PDE3A: variants seen among roughly 807,000 people sequenced by gnomAD.
PDE3A encodes cGMP-inhibited 3',5'-cyclic phosphodiesterase 3A.
In PDE3A, 43 loss-of-function variants were observed where a neutral mutation model predicts 98.3. That is an observed-to-expected ratio of 0.44 (90% CI 0.34 to 0.56). PDE3A has a LOEUF of 0.56. Ranked by LOEUF, PDE3A falls within the 20% of genes least tolerant of loss-of-function variation. PDE3A has a pLI of 0.01. For synonymous variants in PDE3A, 663 were observed against 567.9 expected (o/e 1.17, Z -2.38); for missense variants, 1,427 against 1,440.7 (o/e 0.99, Z 0.15).
At chr12:20,493,191 C>A (rs940567720) in intron 1 of PDE3A, among the ~76,000 whole-genome samples, 5 of 151,994 alleles carry the variant, frequency 3.3e-5, no homozygotes, top group African/African-American at 1.2e-4. Flanking sequence ...TTTACATGCA[C>A]CTTTTAGCTG....
rs1204273055 is a variant in PDE3A, at chr12:20,688,068, A to C, written c.*7797A>C. ...AATATTTTCAAATAACTGCCAACCA[A>C]AGTGACACTATAGGGATGTCATTTG... On this transcript the variant is annotated 3_prime_UTR_variant, in exon 16 of 16. Transcript: ENST00000359062. Among the ~76,000 whole-genome samples the C allele has an allele frequency of 1.3e-5, 2 of 152,028 alleles. No homozygotes were observed. The highest frequency in any genetic ancestry group is 1.3e-4 in the Admixed American group (2 of 15,238).
At chr12:20,659,212 CAATTT>C (rs1261015233) in intron 15 of PDE3A, among the ~76,000 whole-genome samples, 2 of 151,978 alleles carry the variant, frequency 1.3e-5, no homozygotes, top group Admixed American at 6.6e-5. Context: ...AGCACTCATT[CAATTT>C]AATAATTGTC....
intron 1 of PDE3A, among the ~76,000 whole-genome samples, chr12:20,491,830 T>C (rs1945830998): frequency 6.6e-6 from 1 of 152,140 alleles, no homozygotes; most frequent in African/African-American, 2.4e-5. Context: ...CTCTTTACAG[T>C]AGTAGTTAGT....
Position 20,549,539 on chromosome 12 carries a change from T to G in PDE3A, c.961-7121T>G, listed in dbSNP as rs1189072136. 2.6e-5 allele frequency among the ~76,000 whole-genome samples: 4 copies of G among 152,244 alleles called. 1 individual carries two copies. In the East Asian group the frequency reaches 5.8e-4, roughly 22 times the overall value. On this transcript the variant is annotated intron_variant, in intron 1 of 15. Coordinates refer to ENST00000359062, the MANE Select transcript of PDE3A (RefSeq NM_000921.5). Reference sequence around the variant, plus strand: ...AGGAGAAATATCCTGTTTACTTCCTTTGGTGCTCTTATTGACTGTAGAACA... The same window carrying G: ...AGGAGAAATATCCTGTTTACTTCCTGTGGTGCTCTTATTGACTGTAGAACA...
At chr12:20,677,453 AT>A (rs71039969) in intron 15 of PDE3A, among the ~76,000 whole-genome samples, 3 of 107,194 alleles carry the variant, frequency 2.8e-5, no homozygotes, top group Admixed American at 8.5e-5. Context: ...GCTTGTTCTA[AT>A]TTTTTTTTCT....
intron 1 of PDE3A, among the ~76,000 whole-genome samples, chr12:20,543,095 C>T (rs953033438): frequency 2.0e-5 from 3 of 151,990 alleles, no homozygotes; most frequent in Admixed American, 6.6e-5. Flanking sequence ...TGGGTTTCAC[C>T]TGAAGTTAAG....
intron 1 of PDE3A, chr12:20,449,790 C>G (rs1263490294): frequency 7.8e-6 from 4 of 515,902 alleles, no homozygotes; most frequent in Non-Finnish European, 1.4e-5. Context: ...GACTGGATTA[C>G]TTGGTCAGTT....
At chr12:20,436,298 G>A (rs904049888) in intron 1 of PDE3A, among the ~76,000 whole-genome samples, 18 of 152,152 alleles carry the variant, frequency 1.2e-4, no homozygotes, top group Admixed American at 3.3e-4. Context: ...CTGGGAGAAC[G>A]GGGGATTGGG....
At chr12:20,432,147 A>G (rs900986282) in intron 1 of PDE3A, among the ~76,000 whole-genome samples, 4 of 152,200 alleles carry the variant, frequency 2.6e-5, no homozygotes. Context: ...AGTCACACAG[A>G]AGTGGCATGG....
chr12:20,484,667 C>T (rs7487340), intron 1 of PDE3A, among the ~76,000 whole-genome samples: 24,380 of 151,996 alleles, frequency 0.16, 2,228 homozygotes, highest in East Asian at 0.27. Flanking sequence ...TTCTTTATTA[C>T]GTTAGCTCAT....
At chr12:20,434,976 T>C (rs954486179) in intron 1 of PDE3A, among the ~76,000 whole-genome samples, 1 of 152,228 alleles carries the variant, frequency 6.6e-6, no homozygotes, top group African/African-American at 2.4e-5. Context: ...GGGTTCCACA[T>C]TGAAAGACAC....
At chr12:20,628,129 T>G (rs1429122791) in intron 5 of PDE3A, among the ~76,000 whole-genome samples, 1 of 152,222 alleles carries the variant, frequency 6.6e-6, no homozygotes, top group Non-Finnish European at 1.5e-5. Context: ...AGAGATAATA[T>G]TAAAAATTGA....
At chr12:20,591,264 G>A (rs546209324) in intron 2 of PDE3A, among the ~76,000 whole-genome samples, 1 of 152,072 alleles carries the variant, frequency 6.6e-6, no homozygotes. Flanking sequence ...TTCATATGTT[G>A]GGCAGTGCTA....
intron 15 of PDE3A, among the ~76,000 whole-genome samples, chr12:20,656,955 A>C (rs4430560): frequency 0.61 from 93,294 of 152,016 alleles, 28,939 homozygotes; most frequent in East Asian, 0.79. Context: ...CATACCTTCC[A>C]GTTTTTATCA....
chr12:20,373,309 G>A (rs1198531851), intron 1 of PDE3A, among the ~76,000 whole-genome samples: 1 of 151,964 alleles, frequency 6.6e-6, no homozygotes, highest in African/African-American at 2.4e-5. Context: ...TTTCTAAGTG[G>A]ACTTTCGCAT....
In PDE3A at chr12:20,646,552, A is replaced by G; in HGVS notation, c.2314A>G (p.Ile772Val). Residue 772 changes from isoleucine to valine, a missense_variant, in exon 11 of 16, where the codon ATT becomes GTT. Ile to Val is a conservative substitution (Grantham distance 29). Around this residue, in one of 3 missense-constraint regions of PDE3A, gnomAD observed 273 missense variants for 420.3 expected, o/e 0.65. Coordinates refer to ENST00000359062, the MANE Select transcript of PDE3A (RefSeq NM_000921.5). ...HAVWYLTTQPIPGLSTVINDH... is the reference protein window; with the variant it reads ...HAVWYLTTQPVPGLSTVINDH... ...TGTTTGGTATCTTACTACACAGCCT[A>G]TTCCAGGCCTCTCAACTGTGATTAA... 1.9e-6 allele frequency: 3 copies of G among 1,611,146 alleles called. No homozygotes were observed. The highest frequency in any genetic ancestry group is 1.1e-5 in the South Asian group (1 of 91,038).
chr12:20,387,146 C>T (rs185440835), intron 1 of PDE3A, among the ~76,000 whole-genome samples: 3 of 152,160 alleles, frequency 2.0e-5, no homozygotes, highest in Admixed American at 2.0e-4. Flanking sequence ...TGTTTTTGTA[C>T]CAGTACCATG....
intron 1 of PDE3A, among the ~76,000 whole-genome samples, chr12:20,530,130 C>T (rs1326106524): frequency 1.3e-5 from 2 of 152,038 alleles, no homozygotes; most frequent in Non-Finnish European, 2.9e-5. Context: ...CTTGAGGAGA[C>T]GAAAGTTATT....
chr12:20,562,724 A>G (rs1311014088), intron 2 of PDE3A, among the ~76,000 whole-genome samples: 2 of 152,156 alleles, frequency 1.3e-5, no homozygotes, highest in Non-Finnish European at 2.9e-5. Context: ...TTAGTTATTT[A>G]GTATATTATT....
Sources: allele counts gnomAD v4.1 joint callset (sites outside exome capture counted in the v4.1 genomes callset), GRCh38; gene constraint gnomAD v4.1.1; regional missense constraint gnomAD v4.1.1; transcripts MANE v1.5; gene names NCBI Gene and HGNC (gene_info 2026-07-23, HGNC 2026-07-21).